Variants in PKP4 observed in about 807,000 individuals in gnomAD.
The protein encoded by PKP4 is plakophilin-4.
Under a neutral mutation model 145.1 loss-of-function variants are expected in PKP4, and 90 were observed. That is an observed-to-expected ratio of 0.62 (90% CI 0.52 to 0.74). The LOEUF (loss-of-function observed/expected upper bound fraction) is 0.74, where lower values mean the gene tolerates loss of function less well. Ranked by LOEUF, PKP4 falls within the 30% of genes least tolerant of loss-of-function variation. PKP4 has a pLI of 0.00. For synonymous variants in PKP4, 563 were observed against 577.2 expected (o/e 0.98, Z 0.35); for missense variants, 1,340 against 1,482.7 (o/e 0.90, Z 1.58).
At chr2:158,582,685 G>A (rs1029817970) in intron 3 of PKP4, among the ~76,000 whole-genome samples, 4 of 152,186 alleles carry the variant, frequency 2.6e-5, no homozygotes, top group African/African-American at 9.7e-5. Flanking sequence ...GTATGATGAG[G>A]CAAGCAGTGT....
intron 1 of PKP4, among the ~76,000 whole-genome samples, chr2:158,517,793 C>T (rs1559256147): frequency 4.0e-5 from 6 of 151,832 alleles, no homozygotes; most frequent in South Asian, 4.2e-4. Flanking sequence ...TGTCGTGCCA[C>T]TGTAGTCCCA....
intron 1 of PKP4, among the ~76,000 whole-genome samples, chr2:158,505,262 C>T (rs1035139590): frequency 1.3e-5 from 2 of 152,152 alleles, no homozygotes; most frequent in African/African-American, 4.8e-5. Context: ...CTGTTGATGA[C>T]TGGGAGACAT....
chr2:158,628,142 G>T (rs13417700), intron 7 of PKP4, among the ~76,000 whole-genome samples: 1 of 151,606 alleles, frequency 6.6e-6, no homozygotes, highest in Non-Finnish European at 1.5e-5. Context: ...CACCATGCAC[G>T]GCTAATTTTT....
chr2:158,621,603 G>A (rs753823815), intron 6 of PKP4, among the ~76,000 whole-genome samples, 182 bp downstream of exon 6: 14 of 152,156 alleles, frequency 9.2e-5, no homozygotes, highest in Non-Finnish European at 1.9e-4. Flanking sequence ...AAAATTAGCC[G>A]GGCGTGGTGG....
At chr2:158,632,314 T>C (rs576631539) in intron 8 of PKP4, among the ~76,000 whole-genome samples, 2 of 152,368 alleles carry the variant, frequency 1.3e-5, no homozygotes, top group African/African-American at 4.8e-5. Flanking sequence ...AATCCATACA[T>C]GAGTTACTTG....
In PKP4 at chr2:158,625,217, C is replaced by G; in HGVS notation, c.943C>G (p.Pro315Ala). 6.2e-7 allele frequency: 1 copy of G among 1,614,158 alleles called. No homozygotes were observed. Residue 315 changes from proline (P) to alanine (A), a missense_variant, in exon 7 of 22, where the codon CCA (proline) becomes GCA (alanine). Transcript: ENST00000389759. ...CCAAACCACCGCCAGAGTGGGGTCC[C>G]CACTGACCCTGACGGATGCACAGAC... ...QYQTTARVGSPLTLTDAQTRV... is the reference protein window; with the variant it reads ...QYQTTARVGSALTLTDAQTRV...
intron 3 of PKP4, among the ~76,000 whole-genome samples, chr2:158,599,161 C>T (rs969573115): frequency 1.3e-5 from 2 of 152,032 alleles, no homozygotes; most frequent in African/African-American, 2.4e-5. Context: ...TGAAAAAAAT[C>T]GCAGTAGTAG....
chr2:158,613,590 C>A (rs1263530066), intron 4 of PKP4, among the ~76,000 whole-genome samples: 1 of 152,056 alleles, frequency 6.6e-6, no homozygotes, highest in African/African-American at 2.4e-5. Flanking sequence ...TGTTAAAATT[C>A]CACCCAATTT....
chr2:158,477,747 AG>A (rs1331795154), intron 1 of PKP4, among the ~76,000 whole-genome samples: 3 of 152,198 alleles, frequency 2.0e-5, no homozygotes, highest in Admixed American at 2.0e-4. Context: ...TGGGAGGCTG[AG>A]GCAGGAATAT....
chr2:158,584,093 G>A (rs1054711191), intron 3 of PKP4, among the ~76,000 whole-genome samples: 2 of 152,184 alleles, frequency 1.3e-5, no homozygotes, highest in East Asian at 1.9e-4. Context: ...CCCAGCGCAC[G>A]TCCAAGTGGC....
At chr2:158,654,152 C>A (rs955768975) in intron 11 of PKP4, among the ~76,000 whole-genome samples, 1 of 152,142 alleles carries the variant, frequency 6.6e-6, no homozygotes, top group African/African-American at 2.4e-5. Flanking sequence ...GGAAGAAAAA[C>A]CAGTCAAAAT....
rs920775846 is a variant in PKP4 at position 158,586,895 on chromosome 2, A to G, written c.245+9512A>G. ...AAACTAGTATAACTGAGTCTTGCCT[A>G]GGACATGTGACCCCAAGGTATTTCA... On this transcript the variant is annotated intron_variant, in intron 3 of 21. Transcript: ENST00000389759. Among the ~76,000 whole-genome samples, 10 of 152,368 alleles carry G rather than the reference A, an allele frequency of 6.6e-5. 1 individual carries two copies. The highest frequency in any genetic ancestry group is 3.4e-3 in the Middle Eastern group (1 of 294).
chr2:158,598,718 G>A (rs371117647), intron 3 of PKP4, among the ~76,000 whole-genome samples: 6 of 152,102 alleles, frequency 3.9e-5, no homozygotes, highest in Admixed American at 6.5e-5. Context: ...GCAGTGAGGC[G>A]AGATCGCGCC....
intron 7 of PKP4, among the ~76,000 whole-genome samples, chr2:158,626,225 T>C (rs554347985): frequency 2.0e-4 from 31 of 152,348 alleles, no homozygotes; most frequent in Non-Finnish European, 3.1e-4. Context: ...GAATGTTTCT[T>C]TGCATTTACA....
intron 2 of PKP4, among the ~76,000 whole-genome samples, chr2:158,550,140 A>AATCTATTAATTCTATTCAT (rs550269421): frequency 2.0e-5 from 3 of 151,864 alleles, no homozygotes; most frequent in African/African-American, 4.8e-5. Context: ...TTCTGCCAAG[A>AATCTATTAATTCTATTCAT]AGAAGTTAAA....
intron 1 of PKP4, among the ~76,000 whole-genome samples, chr2:158,520,145 G>A (rs1030510533): frequency 2.6e-4 from 40 of 152,036 alleles, no homozygotes; most frequent in African/African-American, 8.2e-4. Context: ...CCATTTTGCA[G>A]TGCTTTCCTT....
At position 158,609,623 on chromosome 2, in the gene PKP4, G is replaced by C. The variant is rs559659211; in HGVS notation, c.280+6519G>C. 7.2e-4 allele frequency among the ~76,000 whole-genome samples: 109 copies of C among 152,304 alleles called. 1 individual carries two copies. Among genetic ancestry groups the C allele is most frequent in the African/African-American group, 2.5e-3 (105 of 41,560 alleles). The stretch of plus-strand genomic sequence containing the variant: ...GATGCAATGGTTTGATCACTGCTTA[G>C]GAGCGATCCCTGCTTACTCAGGTGT... On this transcript the variant is annotated intron_variant, in intron 4 of 21. Transcript: ENST00000389759.
chr2:158,473,493 T>C (rs1249503883), intron 1 of PKP4, among the ~76,000 whole-genome samples: 1 of 152,100 alleles, frequency 6.6e-6, no homozygotes, highest in Non-Finnish European at 1.5e-5. Context: ...AATAACAAGA[T>C]CCGGTCTTTT....
intron 3 of PKP4, among the ~76,000 whole-genome samples, chr2:158,583,944 C>T (rs564069681): frequency 8.8e-4 from 134 of 152,236 alleles, no homozygotes; most frequent in Non-Finnish European, 1.4e-3. Flanking sequence ...CCACTACATA[C>T]GAAATCCAAC....
Sources: allele counts gnomAD v4.1 joint callset (sites outside exome capture counted in the v4.1 genomes callset), GRCh38; gene constraint gnomAD v4.1.1; transcripts MANE v1.5; gene names NCBI Gene and HGNC (gene_info 2026-07-23, HGNC 2026-07-21).